The following TTC23L variants were observed in gnomAD, a reference collection of about 807,000 sequenced individuals.
The protein encoded by TTC23L is tetratricopeptide repeat protein 23-like.
In TTC23L, 42 loss-of-function variants were observed where a neutral mutation model predicts 48.1. The observed-to-expected ratio is 0.87, with a 90% CI of 0.68 to 1.13. TTC23L has a LOEUF of 1.13. Among genes scored for constraint, TTC23L ranks in the 50% most tolerant of loss-of-function variants. TTC23L has a pLI of 0.00. For synonymous variants in TTC23L, 159 were observed against 157.2 expected (o/e 1.01, Z -0.09); for missense variants, 391 against 421.0 (o/e 0.93, Z 0.62).
At chr5:34,839,934 G>A (rs976536155) in intron 1 of TTC23L, among the ~76,000 whole-genome samples, 11 of 152,212 alleles carry the variant, frequency 7.2e-5, no homozygotes, top group African/African-American at 2.7e-4. Context: ...TTGAGACGGA[G>A]TCTCGCTCTG....
At chr5:34,902,939 A>T (rs1426739862), downstream of TTC23L, among the ~76,000 whole-genome samples, 2 of 142,234 alleles carry the variant, frequency 1.4e-5, no homozygotes, top group African/African-American at 2.4e-5. Context: ...GTAGTTGAAA[A>T]TAGCTCTTCA....
chr5:34,904,939 G>T, the TTC23L span, among the ~76,000 whole-genome samples: 1 of 152,186 alleles, frequency 6.6e-6, no homozygotes, highest in Non-Finnish European at 1.5e-5. Flanking sequence ...TTGCCAGTGA[G>T]AGCCACTACT....
chr5:34,897,175 A>G (rs1036355594), intron 10 of TTC23L, among the ~76,000 whole-genome samples: 1 of 152,106 alleles, frequency 6.6e-6, no homozygotes, highest in Non-Finnish European at 1.5e-5. Context: ...GTCTGAGCTC[A>G]GGAGTTCGAG....
intron 3 of TTC23L, among the ~76,000 whole-genome samples, chr5:34,846,673 G>GTA (rs1374882702): frequency 1.4e-5 from 1 of 71,780 alleles, no homozygotes; most frequent in Non-Finnish European, 3.8e-5. Flanking sequence ...GTGTATGTGT[G>GTA]TGTGTGTGTG....
chr5:34,903,235 G>A (rs1763553333), downstream of TTC23L, among the ~76,000 whole-genome samples: 1 of 152,100 alleles, frequency 6.6e-6, no homozygotes. Context: ...TAAAATGGTG[G>A]TGATACTGAA....
chr5:34,912,557 T>C, the TTC23L span, among the ~76,000 whole-genome samples: 9 of 152,208 alleles, frequency 5.9e-5, no homozygotes, highest in African/African-American at 2.2e-4. Context: ...TGGAGAACTA[T>C]ATTGAATTTT....
At chr5:34,909,182 G>C in the TTC23L span, 19 of 1,155,912 alleles carry the variant, frequency 1.6e-5, no homozygotes, top group South Asian at 2.5e-4. Context: ...CAGATTGAAA[G>C]TGTTTTTATT....
At chr5:34,900,071 C>T (rs182303585), downstream of TTC23L, among the ~76,000 whole-genome samples, 11 of 152,162 alleles carry the variant, frequency 7.2e-5, no homozygotes, top group South Asian at 1.2e-3. Flanking sequence ...AAAAATTCTG[C>T]GATACCTAAG....
chr5:34,897,477 A>G (rs1411250813), intron 10 of TTC23L, among the ~76,000 whole-genome samples: 2 of 152,124 alleles, frequency 1.3e-5, no homozygotes, highest in African/African-American at 4.8e-5. Context: ...CAGGTTTTTA[A>G]CATTTTTATT....
intron 2 of TTC23L, among the ~76,000 whole-genome samples, chr5:34,840,943 GA>G (rs1447982100): frequency 6.6e-6 from 1 of 152,120 alleles, no homozygotes; most frequent in African/African-American, 2.4e-5. Context: ...AGCTACTCGG[GA>G]GGCTGAGGCA....
intron 9 of TTC23L, chr5:34,888,566 G>A (rs1382847864): frequency 2.1e-6 from 2 of 971,514 alleles, no homozygotes; most frequent in African/African-American, 3.5e-5. Context: ...CATCAGCCAT[G>A]TCATCAATGT....
chr5:34,894,464 T>C (rs895170226), intron 9 of TTC23L, among the ~76,000 whole-genome samples: 2 of 152,186 alleles, frequency 1.3e-5, no homozygotes, highest in Admixed American at 1.3e-4. Context: ...CATAAGTATA[T>C]GTAAATATGT....
the TTC23L span, chr5:34,908,514 G>A: frequency 3.3e-6 from 1 of 306,122 alleles, no homozygotes; most frequent in Non-Finnish European, 6.0e-6. Flanking sequence ...TTATTCCCAT[G>A]AGTTCAAAAG....
the TTC23L span, chr5:34,916,141 C>G: frequency 5.0e-6 from 2 of 400,484 alleles, no homozygotes; most frequent in Non-Finnish European, 8.9e-6. Context: ...AAGCGACTTA[C>G]AGGGTGCTCA....
At chr5:34,919,274 C>CAAAAAA in the TTC23L span, among the ~76,000 whole-genome samples, 1 of 35,966 alleles carries the variant, frequency 2.8e-5, no homozygotes, top group African/African-American at 1.1e-4. Flanking sequence ...GACCCTGTCT[C>CAAAAAA]AAAAAAAAAA....
intron 4 of TTC23L, among the ~76,000 whole-genome samples, chr5:34,854,188 G>A (rs767876193): frequency 2.0e-5 from 3 of 152,186 alleles, no homozygotes; most frequent in African/African-American, 4.8e-5. Flanking sequence ...AGAGAACTAC[G>A]TTGGGGCAAT....
chr5:34,913,918 T>A, the TTC23L span: 1 of 456,500 alleles, frequency 2.2e-6, no homozygotes, highest in South Asian at 1.6e-5. Flanking sequence ...GGGGTCTCAC[T>A]ATGATTACCC....
intron 7 of TTC23L, chr5:34,868,519 T>C (rs991470516): frequency 6.0e-6 from 1 of 166,234 alleles, no homozygotes; most frequent in African/African-American, 2.4e-5. Flanking sequence ...CAACAACTTT[T>C]TATAACAAAT....
the TTC23L span, chr5:34,915,761 G>T: frequency 6.2e-7 from 1 of 1,604,008 alleles, no homozygotes; most frequent in South Asian, 1.1e-5. Context: ...AAGAGGAAAC[G>T]GCGTGGAGGC....
Sources: gnomAD v4.1 joint callset for allele counts (sites outside exome capture counted in the v4.1 genomes callset) on GRCh38, gnomAD v4.1.1 for gene constraint, MANE v1.5 for transcripts, NCBI Gene and HGNC (gene_info 2026-07-23, HGNC 2026-07-21) for gene names.